The following ATP2A1 variants were observed in gnomAD, a reference collection of about 807,000 sequenced individuals.
ATP2A1 encodes the protein ATPase sarcoplasmic/endoplasmic reticulum Ca2+ transporting 1, also known as sarcoplasmic/endoplasmic reticulum calcium ATPase 1.
A neutral mutation model predicts 109.5 loss-of-function variants in ATP2A1; 83 were observed. That is an observed-to-expected ratio of 0.76 (90% confidence interval 0.63 to 0.91). The LOEUF is 0.91. Among genes scored for constraint, ATP2A1 ranks in the 40% least tolerant of loss-of-function variants. The pLI is 0.00. For missense variants in ATP2A1, 1,101 were observed against 1,341.0 expected, an observed-to-expected ratio of 0.82 and a Z score of 2.80; for synonymous variants, 505 against 537.6, an observed-to-expected ratio of 0.94 and a Z score of 0.84.
chr16:28,903,326 A>G lies in ATP2A1; in HGVS notation c.2866A>G (p.Ile956Val), dbSNP rs1337196706. 1.9e-6 allele frequency: 3 copies of G among 1,612,788 alleles called. No homozygotes were observed. The highest frequency in any genetic ancestry group is 2.7e-5 in the African/African-American group (2 of 74,784). ...GGGCGCTTGTCCCCTGCCCCAGATG[A>G]TCTTCAAGCTCCGGGCCCTGGACCT... ...LILYVDPLPM[I>V]FKLRALDLTQ... Residue 956 changes from isoleucine to valine, a missense_variant, in exon 21 of 23, where the codon ATC becomes GTC. Coordinates refer to ENST00000395503, the MANE Select transcript of ATP2A1 (RefSeq NM_004320.6). The surrounding 1 kb of genome is among the most constrained non-coding windows in gnomAD (Gnocchi z 5.6).
chr16:28,890,292 C>CAAAA (rs767608802), intron 9 of ATP2A1, among the ~76,000 whole-genome samples: 3 of 74,374 alleles, frequency 4.0e-5, no homozygotes, highest in Non-Finnish European at 5.6e-5. Flanking sequence ...CCGTCTCTAC[C>CAAAA]AAAAAAAAAA....
At chr16:28,894,718 C>A in intron 11 of ATP2A1, 104 bp from the exon 12 acceptor site, 1 of 1,593,566 alleles carries the variant, frequency 6.3e-7, no homozygotes, top group African/African-American at 1.3e-5. Context: ...TGCCAGGGTG[C>A]AAGGGAGGCA....
chr16:28,886,992 CAAAAAAA>C (rs559496019), intron 6 of ATP2A1, among the ~76,000 whole-genome samples, 190 bp from the exon 7 acceptor site: 2 of 74,396 alleles, frequency 2.7e-5, no homozygotes, highest in Admixed American at 1.5e-4. Context: ...AACTCTGTCT[CAAAAAAA>C]AAAAAAAAAA....
chr16:28,901,101 G>A (rs1490387439), intron 15 of ATP2A1, among the ~76,000 whole-genome samples, 185 bp downstream of exon 15: 1 of 152,048 alleles, frequency 6.6e-6, no homozygotes, highest in Non-Finnish European at 1.5e-5. Context: ...AGGCTGAGGT[G>A]GGCGGATCAC....
At chr16:28,884,796 A>G in intron 6 of ATP2A1, 141 bp downstream of exon 6, 1 of 787,188 alleles carries the variant, frequency 1.3e-6, no homozygotes. Flanking sequence ...AAAATTTTAA[A>G]AACTAGCTGA....
Position 28,904,381 on chromosome 16 carries a change from T to A in ATP2A1, c.*239T>A. The A allele has an allele frequency of 6.5e-7, 1 of 1,536,380 alleles. No individual in the cohort carries two copies. Among genetic ancestry groups the A allele is most frequent in the South Asian group, 1.2e-5 (1 of 83,878 alleles). On this transcript the variant is annotated 3_prime_UTR_variant, in exon 23 of 23. Transcript: ENST00000395503. Reference sequence around the variant, plus strand: ...TCCCTCTCAACCTTGTAAATTCCCCTTCCCAACCCCGAGGGGCTTGCAGGG... The same window carrying A: ...TCCCTCTCAACCTTGTAAATTCCCCATCCCAACCCCGAGGGGCTTGCAGGG...
rs756494370 is a variant in ATP2A1, at chr16:28,879,159, C to G, written c.136+43C>G. 1.6e-5 allele frequency: 26 copies of G among 1,609,984 alleles called. No individual in the cohort carries two copies. In the Admixed American group the frequency reaches 4.3e-4, roughly 27 times the overall value. Reference sequence around the variant, plus strand: ...CTGAACTCTCATAAATGACCACCCCCCACCCCGCCCTGTCCCACTCCCTCC... The same window carrying G: ...CTGAACTCTCATAAATGACCACCCCGCACCCCGCCCTGTCCCACTCCCTCC... On this transcript the variant is annotated intron_variant, in intron 2 of 22. Transcript: ENST00000395503.
Position 28,894,228 on chromosome 16 carries a change from C to G in ATP2A1, c.1169C>G (p.Ala390Gly). ...NEFSITGSTY[A>G]PEGEVLKNDK... ...TTCTCCATCACCGGCTCCACTTACG[C>G]TCCAGAGGGAGAGGTGTAAGTCACC... Residue 390 changes from alanine (A) to glycine (G), a missense_variant, in exon 10 of 23, where the codon GCT becomes GGT. Physicochemically the swap from Ala to Gly is moderately conservative, Grantham distance 60. Coordinates refer to ENST00000395503, the MANE Select transcript of ATP2A1 (RefSeq NM_004320.6). 6.2e-7 allele frequency: 1 copy of G among 1,613,988 alleles called. No homozygotes were observed. The highest frequency in any genetic ancestry group is 8.5e-7 in the Non-Finnish European group (1 of 1,179,966).
chr16:28,884,804 T>C, intron 6 of ATP2A1, 149 bp downstream of exon 6: 1 of 738,356 alleles, frequency 1.4e-6, no homozygotes, highest in Non-Finnish European at 2.2e-6. Flanking sequence ...AAAAACTAGC[T>C]GAGCATGTTG....
chr16:28,895,138 G>C (rs1336219439), intron 12 of ATP2A1, among the ~76,000 whole-genome samples, 185 bp downstream of exon 12: 1 of 152,236 alleles, frequency 6.6e-6, no homozygotes, highest in African/African-American at 2.4e-5. Context: ...GGGGCTGCCT[G>C]GCGGCCATGC....
chr16:28,899,249 AT>A (rs945896786), intron 14 of ATP2A1, among the ~76,000 whole-genome samples: 3 of 152,160 alleles, frequency 2.0e-5, no homozygotes, highest in African/African-American at 7.2e-5. Flanking sequence ...CCCTCCTTTC[AT>A]TTTGTACAGA....
rs1964142351 is a variant in ATP2A1, at chr16:28,903,276, G to T, written c.2863-47G>T. On this transcript the variant is annotated intron_variant, in intron 20 of 22. Transcript: ENST00000395503. The surrounding 1 kb of genome is among the most constrained non-coding windows in gnomAD (Gnocchi z 5.6). ...GTGGGCTGGGCAGTGCTGGTCTCTG[G>T]CTCCCTCCCCACCCCCTCCTGAGAG... The T allele has an allele frequency of 1.3e-6, 2 of 1,580,346 alleles. No individual in the cohort carries two copies. Among genetic ancestry groups the T allele is most frequent in the Non-Finnish European group, 1.7e-6 (2 of 1,149,892 alleles).
In ATP2A1 at chr16:28,903,291, C is replaced by G. The variant is rs763357966; in HGVS notation, c.2863-32C>G. On this transcript the variant is annotated intron_variant, in intron 20 of 22. Transcript: ENST00000395503. The surrounding 1 kb of genome is among the most constrained non-coding windows in gnomAD (Gnocchi z 5.6). Reference sequence around the variant, plus strand: ...CTGGTCTCTGGCTCCCTCCCCACCCCCTCCTGAGAGGGCGCTTGTCCCCTG... The same window carrying G: ...CTGGTCTCTGGCTCCCTCCCCACCCGCTCCTGAGAGGGCGCTTGTCCCCTG... 22 of 1,595,630 alleles carry G rather than the reference C, an allele frequency of 1.4e-5. No individual in the cohort carries two copies. The highest frequency in any genetic ancestry group is 1.8e-5 in the Non-Finnish European group (21 of 1,163,488).
rs190464592 is a variant in ATP2A1, at chr16:28,897,424, G to T, written c.1420-576G>T. On this transcript the variant is annotated intron_variant, in intron 12 of 22. Coordinates refer to ENST00000395503, the MANE Select transcript of ATP2A1 (RefSeq NM_004320.6). ...AGGCTGAGGCAGGAGGATTGCCAGA[G>T]CCAAGGCTACAGTGGGCTATGATCA... Among the ~76,000 whole-genome samples, 20 of 152,280 alleles carry T rather than the reference G, an allele frequency of 1.3e-4. No individual in the cohort carries two copies. The East Asian group carries it at 3.9e-3, about 29-fold the overall frequency.
chr16:28,887,399 T>A, intron 7 of ATP2A1, 26 bp from the exon 8 acceptor site: 10 of 1,613,762 alleles, frequency 6.2e-6, no homozygotes, highest in African/African-American at 1.3e-5. Context: ...CTTGCCTGAT[T>A]CCCTGCCTCC....
intron 2 of ATP2A1, 163 bp from the exon 3 acceptor site, chr16:28,879,338 G>A: frequency 1.2e-6 from 1 of 859,596 alleles, no homozygotes; most frequent in Non-Finnish European, 1.9e-6. Flanking sequence ...TGCCGAGTCT[G>A]TTTCTGGACT....
chr16:28,900,879 TG>T lies in ATP2A1; in HGVS notation c.2065del (p.Glu689SerfsTer12), dbSNP rs763845280. ...GAGCCCTCGCACAAGTCCAAGATTG[TG>T]GAGTACCTGCAGTCCTACGATGAGA... ...RVEPSHKSKI[V>X]EYLQSYDEIT... On this transcript the variant is annotated frameshift_variant, in exon 15 of 23. Coordinates refer to ENST00000395503, the MANE Select transcript of ATP2A1 (RefSeq NM_004320.6). LOFTEE classifies it high-confidence loss of function. 1.1e-5 allele frequency: 17 copies of T among 1,614,156 alleles called. No homozygotes were observed. Among genetic ancestry groups the T allele is most frequent in the Non-Finnish European group, 1.4e-5 (17 of 1,180,038 alleles).
intron 9 of ATP2A1, 42 bp from the exon 10 acceptor site, chr16:28,894,113 G>A (rs1264105831): frequency 1.7e-5 from 26 of 1,570,178 alleles, no homozygotes; most frequent in Non-Finnish European, 2.0e-5. Context: ...CCTTGGGATG[G>A]GAAGAGGTGG....
rs772525968 is a variant in ATP2A1 at position 28,904,220 on chromosome 16, T to TGTCCTC, written c.*79_*84dup. 2 of 1,613,790 alleles carry TGTCCTC rather than the reference T, an allele frequency of 1.2e-6. No homozygotes were observed. The highest frequency in any genetic ancestry group is 1.7e-6 in the Non-Finnish European group (2 of 1,179,802). ...GAAGGAAGTGAGCATCCTTTTGCTC[T>TGTCCTC]GTCCTCCCCACCCCGATAGTGACAC... On this transcript the variant is annotated 3_prime_UTR_variant, in exon 23 of 23. Coordinates refer to ENST00000395503, the MANE Select transcript of ATP2A1 (RefSeq NM_004320.6).
Sources: allele counts gnomAD v4.1 joint callset (sites outside exome capture counted in the v4.1 genomes callset), GRCh38; gene constraint gnomAD v4.1.1; non-coding constraint Gnocchi (gnomAD v3.1); transcripts MANE v1.5; gene names NCBI Gene and HGNC (gene_info 2026-07-23, HGNC 2026-07-21).